AFF3: variants seen among roughly 807,000 people sequenced by gnomAD.
AFF3 encodes ALF transcription elongation factor 3.
A neutral mutation model predicts 129.7 loss-of-function variants in AFF3; 32 were observed. The observed-to-expected ratio is 0.25, with a 90% CI of 0.19 to 0.33. The LOEUF (loss-of-function observed/expected upper bound fraction) is 0.33. Among genes scored for constraint, AFF3 ranks in the 10% least tolerant of loss-of-function variants. The pLI is 1.00. For missense variants in AFF3, 1,373 were observed against 1,592.0 expected (o/e 0.86, Z 2.34); for synonymous variants, 644 against 635.4 (o/e 1.01, Z -0.20).
At chr2:99,852,248 A>G (rs1690202806) in intron 7 of AFF3, among the ~76,000 whole-genome samples, 1 of 152,182 alleles carries the variant, frequency 6.6e-6, no homozygotes, top group African/African-American at 2.4e-5. Context: ...CTGTTAAGCA[A>G]GAAAATGCTT....
rs887485928 is a variant in AFF3, at chr2:100,007,148, T to C, written c.487A>G (p.Thr163Ala). 6.8e-6 allele frequency: 11 copies of C among 1,614,014 alleles called. No homozygotes were observed. The highest frequency in any genetic ancestry group is 8.5e-6 in the Non-Finnish European group (10 of 1,179,914). Reference protein sequence around the residue: ...HPPSDGQQRATQQGSLRTLLG... With the variant: ...HPPSDGQQRAAQQGSLRTLLG... ...TCAAGCAACCTGTGCCTGTGCTTAC[T>C]TGCTCTCTGTTGGCCGTCAGAGGGT... The change falls in exon 6 of 25, where the codon ACA (threonine) becomes GCA (alanine). Residue 163 changes from threonine to alanine, a missense_variant and splice_region_variant. This residue lies in a region of AFF3 where 255 missense variants were observed against 256.0 expected (regional missense o/e 1.00). Coordinates refer to ENST00000672756, the MANE Select transcript of AFF3 (RefSeq NM_001386135.1).
chr2:100,132,203 T>C lies in AFF3; in HGVS notation c.-227-2897A>G, dbSNP rs189626381. 2.6e-5 allele frequency among the ~76,000 whole-genome samples: 4 copies of C among 152,330 alleles called. No individual in the cohort carries two copies. In the East Asian group the frequency reaches 5.8e-4, roughly 22 times the overall value. ...GACTATACTTAAGAACAATGTGTTA[T>C]ATGCTTGAAAATTGCTTAGAGAGTA... On this transcript the variant is annotated intron_variant, in intron 1 of 24. Transcript: ENST00000672756.
At position 99,601,600 on chromosome 2, in the gene AFF3, G is replaced by A. The variant is rs1199967267; in HGVS notation, c.1206C>T (p.Asn402=). ...TGCTGGAAGGCACCGAGGTTCTGCA[G>A]TTGGGCTGCTGGACCACGGCGCTGC... ...LSDSAVVQQP[N]CRTSVPSSKG... Residue 402 remains asparagine (N), a synonymous_variant, in exon 14 of 25, where the codon AAC becomes AAT. Transcript: ENST00000672756. 1.9e-6 allele frequency: 3 copies of A among 1,597,544 alleles called. No individual in the cohort carries two copies. Among genetic ancestry groups the A allele is most frequent in the East Asian group, 2.2e-5 (1 of 44,656 alleles).
At chr2:99,938,609 G>A (rs1404692703) in intron 7 of AFF3, among the ~76,000 whole-genome samples, 1 of 152,176 alleles carries the variant, frequency 6.6e-6, no homozygotes, top group African/African-American at 2.4e-5. Context: ...AGATTACTCT[G>A]TGTAATGTGG....
intron 7 of AFF3, among the ~76,000 whole-genome samples, chr2:99,984,709 C>G (rs1679713088): frequency 6.6e-6 from 1 of 151,426 alleles, no homozygotes. Context: ...AACCCCATCA[C>G]AAGGATCTAG....
intron 11 of AFF3, among the ~76,000 whole-genome samples, chr2:99,687,089 C>T (rs1319108263): frequency 1.3e-5 from 2 of 152,200 alleles, no homozygotes; most frequent in East Asian, 3.8e-4. Flanking sequence ...CAAACTGTCC[C>T]AGGATCTTTT....
At chr2:100,002,256 C>T (rs193224202) in intron 7 of AFF3, among the ~76,000 whole-genome samples, 15 of 152,288 alleles carry the variant, frequency 9.8e-5, no homozygotes, top group South Asian at 4.1e-4. Flanking sequence ...AGGCTGGTGC[C>T]GACTTTCATT....
chr2:99,855,813 G>A (rs1006369103), intron 7 of AFF3, among the ~76,000 whole-genome samples: 4 of 152,188 alleles, frequency 2.6e-5, no homozygotes, highest in Non-Finnish European at 5.9e-5. Context: ...TAATTCTGGA[G>A]TGGAGAAACC....
intron 7 of AFF3, among the ~76,000 whole-genome samples, chr2:99,877,171 G>A (rs1472521751): frequency 2.0e-5 from 3 of 152,184 alleles, no homozygotes. Flanking sequence ...ACAATCATGG[G>A]AATCAGCTGG....
intron 7 of AFF3, among the ~76,000 whole-genome samples, chr2:99,848,635 G>A (rs1237136114): frequency 1.3e-5 from 2 of 152,086 alleles, no homozygotes; most frequent in Non-Finnish European, 2.9e-5. Flanking sequence ...GATGATGTTG[G>A]AACAATCTAA....
chr2:100,060,445 C>T (rs1001722742), intron 4 of AFF3, among the ~76,000 whole-genome samples: 1 of 152,176 alleles, frequency 6.6e-6, no homozygotes, highest in African/African-American at 2.4e-5. Context: ...CTAAGCGCCG[C>T]CTGCTTAACC....
At chr2:99,599,853 T>G (rs1679649940) in intron 14 of AFF3, among the ~76,000 whole-genome samples, 1 of 152,178 alleles carries the variant, frequency 6.6e-6, no homozygotes, top group African/African-American at 2.4e-5. Flanking sequence ...TTTATTTAAC[T>G]CCTGTATTTT....
chr2:99,981,500 T>C (rs1295931253), intron 7 of AFF3, among the ~76,000 whole-genome samples: 1 of 152,230 alleles, frequency 6.6e-6, no homozygotes, highest in African/African-American at 2.4e-5. Context: ...GAAGTTTAGA[T>C]TAGAATCTTG....
In AFF3 at chr2:100,052,531, G is replaced by A. The variant is rs184806218; in HGVS notation, c.54-43599C>T. Among the ~76,000 whole-genome samples the A allele has an allele frequency of 8.5e-5, 13 of 152,110 alleles. 1 individual carries two copies. Among genetic ancestry groups the A allele is most frequent in the East Asian group, 7.8e-4 (4 of 5,156 alleles). ...CTTAGAGTGGATCCATAACAGTCCC[G>A]TGTTAACAGCAAACTTTCACACCAC... On this transcript the variant is annotated intron_variant, in intron 4 of 24. Coordinates refer to ENST00000672756, the MANE Select transcript of AFF3 (RefSeq NM_001386135.1).
intron 4 of AFF3, among the ~76,000 whole-genome samples, chr2:100,040,121 C>A (rs1685300070): frequency 6.6e-6 from 1 of 152,144 alleles, no homozygotes; most frequent in African/African-American, 2.4e-5. Context: ...CCTAAATGAC[C>A]CATACCTTTG....
intron 7 of AFF3, among the ~76,000 whole-genome samples, chr2:99,946,053 T>C (rs188772270): frequency 6.6e-5 from 10 of 152,330 alleles, no homozygotes; most frequent in Admixed American, 3.3e-4. Flanking sequence ...AAACATTTCA[T>C]AGGAAATGAA....
At chr2:99,970,996 G>T (rs1023836357) in intron 7 of AFF3, among the ~76,000 whole-genome samples, 1 of 152,150 alleles carries the variant, frequency 6.6e-6, no homozygotes, top group Non-Finnish European at 1.5e-5. Context: ...TGATCCAGAG[G>T]GTGGTTGGAA....
At chr2:99,793,163 A>G (rs1685317006) in intron 8 of AFF3, among the ~76,000 whole-genome samples, 1 of 152,176 alleles carries the variant, frequency 6.6e-6, no homozygotes, top group South Asian at 2.1e-4. Context: ...TTCTAGCTCT[A>G]TTAGTTCCCG....
chr2:99,563,214 A>G (rs1675637493), intron 20 of AFF3, among the ~76,000 whole-genome samples: 1 of 151,232 alleles, frequency 6.6e-6, no homozygotes, highest in South Asian at 2.1e-4. Context: ...TTCTTGAGAC[A>G]GAGTCTCGCT....
Sources: allele counts gnomAD v4.1 joint callset (sites outside exome capture counted in the v4.1 genomes callset), GRCh38; gene constraint gnomAD v4.1.1; regional missense constraint gnomAD v4.1.1; transcripts MANE v1.5; gene names NCBI Gene and HGNC (gene_info 2026-07-23, HGNC 2026-07-21).